ANO1: variants seen among roughly 807,000 people sequenced by gnomAD.
ANO1 encodes the protein anoctamin 1.
Under a neutral mutation model 124.0 loss-of-function variants are expected in ANO1, and 59 were observed. The observed-to-expected ratio is 0.48, with a 90% confidence interval of 0.39 to 0.59. The LOEUF is 0.59. Among genes scored for constraint, ANO1 ranks in the 20% least tolerant of loss-of-function variants. The probability of loss-of-function intolerance (pLI) is 0.00; values close to 1 mark genes in which losing one functional copy is unlikely to be tolerated. For missense variants in ANO1, 1,059 were observed against 1,328.0 expected, an observed-to-expected ratio of 0.80 and a Z score of 3.15; for synonymous variants, 529 against 532.0, an observed-to-expected ratio of 0.99 and a Z score of 0.08.
rs541427478 is a variant in ANO1, at chr11:70,140,009, G to A, written c.1258+7930G>A. 7.2e-5 allele frequency among the ~76,000 whole-genome samples: 11 copies of A among 152,300 alleles called. No homozygotes were observed. In the East Asian group the frequency reaches 2.1e-3, roughly 29 times the overall value. Reference sequence around the variant, plus strand: ...AAAATACACCTCCTTCCCTTTGGGAGCTGCGCTGAGGACTGCCTCCGTGCC... The same window carrying A: ...AAAATACACCTCCTTCCCTTTGGGAACTGCGCTGAGGACTGCCTCCGTGCC... On this transcript the variant is annotated intron_variant, in intron 11 of 25. Coordinates refer to ENST00000355303, the MANE Select transcript of ANO1 (RefSeq NM_018043.7).
Position 70,124,423 on chromosome 11 carries a change from G to A in ANO1, c.962+9G>A, listed in dbSNP as rs368720281. The A allele has an allele frequency of 2.4e-5, 39 of 1,613,396 alleles. No individual in the cohort carries two copies. The highest frequency in any genetic ancestry group is 2.2e-5 in the East Asian group (1 of 44,884). ...CCCATCGACCTGGTCAGGTAAGAACGCGCCACAGCCTGCGGGAATCAAGTC... is the reference window on the plus strand; with the variant it reads ...CCCATCGACCTGGTCAGGTAAGAACACGCCACAGCCTGCGGGAATCAAGTC... On this transcript the variant is annotated intron_variant, in intron 9 of 25. Coordinates refer to ENST00000355303, the MANE Select transcript of ANO1 (RefSeq NM_018043.7).
At chr11:69,977,272 C>T in the ANO1 span, among the ~76,000 whole-genome samples, 95 of 152,290 alleles carry the variant, frequency 6.2e-4, no homozygotes, top group Non-Finnish European at 9.4e-4. Context: ...CCAGTCCATC[C>T]CCAGTGGTCC....
At chr11:69,968,965 C>T in the ANO1 span, among the ~76,000 whole-genome samples, 1 of 152,234 alleles carries the variant, frequency 6.6e-6, no homozygotes, top group Non-Finnish European at 1.5e-5. Flanking sequence ...ACTCCTTTGT[C>T]ACTAACCTCT....
chr11:69,991,946 C>G (rs2120304708), intron 1 of ANO1, among the ~76,000 whole-genome samples: 1 of 152,360 alleles, frequency 6.6e-6, no homozygotes, highest in African/African-American at 2.4e-5. Context: ...TGTGCTGATG[C>G]CATGCGAGCT....
chr11:70,169,994 G>C (rs375269073), intron 21 of ANO1: 2 of 365,186 alleles, frequency 5.5e-6, no homozygotes, highest in African/African-American at 2.1e-5. Flanking sequence ...CCCCATGCTG[G>C]ATGCAGCATC....
chr11:70,083,169 C>T (rs1008708911), intron 1 of ANO1, among the ~76,000 whole-genome samples: 2 of 152,158 alleles, frequency 1.3e-5, no homozygotes, highest in African/African-American at 2.4e-5. Flanking sequence ...TCTTTATGTG[C>T]GTGTGTCTCA....
intron 22 of ANO1, among the ~76,000 whole-genome samples, chr11:70,179,094 T>C (rs990269615): frequency 2.0e-5 from 3 of 152,220 alleles, no homozygotes; most frequent in Non-Finnish European, 4.4e-5. Flanking sequence ...GCAGAAGCGC[T>C]ATGTACAGCT....
chr11:70,145,954 A>C (rs911448349), intron 11 of ANO1, among the ~76,000 whole-genome samples: 5 of 151,646 alleles, frequency 3.3e-5, no homozygotes, highest in Admixed American at 1.3e-4. Flanking sequence ...AAAAAAAAAA[A>C]AAAAAAAAAA....
At position 70,185,668 on chromosome 11, in the gene ANO1, C is replaced by G; in HGVS notation, c.2667C>G (p.Ala889=). 1 of 1,613,924 alleles carries G rather than the reference C, an allele frequency of 6.2e-7. No individual in the cohort carries two copies. Among genetic ancestry groups the G allele is most frequent in the Non-Finnish European group, 8.5e-7 (1 of 1,179,820 alleles). The stretch of plus-strand genomic sequence containing the variant: ...AGGACTTCTGGGCCGTCCTGGCAGC[C>G]CGGCTGGCGTTTGTCATCGTCTTCC... ...ISKDFWAVLA[A]RLAFVIVFQN... The change falls in exon 25 of 26, where the codon GCC becomes GCG. Residue 889 remains alanine, a synonymous_variant. Transcript: ENST00000355303.
At chr11:70,115,623 A>G (rs537496543) in intron 7 of ANO1, among the ~76,000 whole-genome samples, 1 of 151,942 alleles carries the variant, frequency 6.6e-6, no homozygotes, top group Non-Finnish European at 1.5e-5. Flanking sequence ...AAAAACAAAA[A>G]CAAAATCAAA....
intron 3 of ANO1, 58 bp downstream of exon 3, chr11:70,103,222 G>A (rs2045348220): frequency 2.2e-6 from 3 of 1,371,148 alleles, no homozygotes; most frequent in South Asian, 1.3e-5. Context: ...TCACTTGGAC[G>A]CCTGGCAGTG....
chr11:70,032,631 C>G (rs1037176416), intron 1 of ANO1, among the ~76,000 whole-genome samples: 1 of 152,024 alleles, frequency 6.6e-6, no homozygotes, highest in Non-Finnish European at 1.5e-5. Flanking sequence ...CCAGTGGTGC[C>G]GTTTACTGAG....
intron 1 of ANO1, among the ~76,000 whole-genome samples, chr11:70,034,756 G>C (rs186174093): frequency 3.9e-5 from 6 of 152,086 alleles, no homozygotes; most frequent in Non-Finnish European, 8.8e-5. Flanking sequence ...ATAAAGAAGC[G>C]CAAGGTTCTG....
intron 1 of ANO1, among the ~76,000 whole-genome samples, chr11:70,026,168 A>ATGG (rs797027269): frequency 3.8e-4 from 52 of 136,704 alleles, no homozygotes; most frequent in Admixed American, 3.6e-3. Context: ...GATGGTGATG[A>ATGG]TGGTGGTGGT....
At position 70,152,574 on chromosome 11, in the gene ANO1, C is replaced by T. The variant is rs767245877; in HGVS notation, c.1353+113C>T. 471 of 1,270,250 alleles carry T rather than the reference C, an allele frequency of 3.7e-4. 1 individual carries two copies. Among genetic ancestry groups the T allele is most frequent in the Non-Finnish European group, 5.0e-4 (447 of 887,600 alleles). The allele number at this position is 1,270,250 out of a possible 1,614,324, so 78.7% of individuals were successfully genotyped here. On this transcript the variant is annotated intron_variant, in intron 13 of 25. Transcript: ENST00000355303. ...ACGCAGTTCCCGCAGTTCCTCCACG[C>T]GGGTGGGGTCTCTGCTTTCTCCCCA...
intron 2 of ANO1, among the ~76,000 whole-genome samples, chr11:70,093,686 G>A (rs908649621): frequency 6.6e-6 from 1 of 152,184 alleles, no homozygotes; most frequent in African/African-American, 2.4e-5. Flanking sequence ...CTGGCTCGCC[G>A]CTGGTTCTCC....
intron 2 of ANO1, among the ~76,000 whole-genome samples, chr11:70,095,268 G>T (rs1221693795): frequency 1.3e-5 from 1 of 79,846 alleles, no homozygotes; most frequent in African/African-American, 5.1e-5. Flanking sequence ...AGGAAGGAAG[G>T]AAGGAAGGAA....
chr11:70,049,781 C>T (rs188911384), intron 1 of ANO1, among the ~76,000 whole-genome samples: 52 of 152,174 alleles, frequency 3.4e-4, no homozygotes, highest in Non-Finnish European at 5.9e-4. Flanking sequence ...AGTACAGTGG[C>T]GCAATCTCAG....
chr11:70,131,452 C>T (rs996698883), intron 10 of ANO1, among the ~76,000 whole-genome samples: 8 of 152,124 alleles, frequency 5.3e-5, no homozygotes, highest in Admixed American at 3.9e-4. Context: ...CTCAGCCTCC[C>T]GAGTAGCTGG....
Sources: gnomAD v4.1 joint callset for allele counts (sites outside exome capture counted in the v4.1 genomes callset) on GRCh38, gnomAD v4.1.1 for gene constraint, MANE v1.5 for transcripts, NCBI Gene and HGNC (gene_info 2026-07-23, HGNC 2026-07-21) for gene names.